ZFYVE26: variants seen among roughly 807,000 people sequenced by gnomAD.
The protein encoded by ZFYVE26 is zinc finger FYVE domain-containing protein 26.
ZFYVE26 carries 181 observed loss-of-function variants against 276.5 expected under a neutral mutation model. The observed-to-expected ratio is 0.65, with a 90% CI of 0.58 to 0.74. ZFYVE26 has a LOEUF of 0.74. Among genes scored for constraint, ZFYVE26 ranks in the 30% least tolerant of loss-of-function variants. The probability of loss-of-function intolerance (pLI) is 0.00; values close to 1 mark genes in which losing one functional copy is unlikely to be tolerated. For synonymous variants in ZFYVE26, 1,129 were observed against 1,203.1 expected (o/e 0.94, Z 1.27); for missense variants, 2,821 against 3,097.9 (o/e 0.91, Z 2.12).
rs2038341104 is a variant in ZFYVE26 at position 67,735,460 on chromosome 14, C to T, written n.2680-5641G>A. 3.9e-5 allele frequency: 23 copies of T among 586,360 alleles called. No homozygotes were observed. In the South Asian group the frequency reaches 4.6e-4, roughly 12 times the overall value. 36.3% of individuals were successfully genotyped at this position (586,360 alleles called of 1,614,324 possible). A position where few individuals can be genotyped will look rare whatever the true frequency, so the allele number is the denominator to read the frequency against. ...AGGCCTTGGCTCTGCACAAACAATGCCGGGGGATTGGTGGCCGAGACACCG... is the reference window on the plus strand; with the variant it reads ...AGGCCTTGGCTCTGCACAAACAATGTCGGGGGATTGGTGGCCGAGACACCG... On this transcript the variant is annotated intron_variant and non_coding_transcript_variant, in intron 13 of 14. Coordinates refer to the ZFYVE26 transcript ENST00000394455.
At chr14:67,790,865 G>A in intron 14 of ZFYVE26, 92 bp from the exon 15 acceptor site, 3 of 1,199,196 alleles carry the variant, frequency 2.5e-6, no homozygotes, top group Admixed American at 3.4e-5. Flanking sequence ...ATTAGACTGT[G>A]GCCCTAAGAT....
At chr14:67,744,870 A>G (rs1043416120), downstream of ZFYVE26, among the ~76,000 whole-genome samples, 1 of 152,230 alleles carries the variant, frequency 6.6e-6, no homozygotes, top group South Asian at 2.1e-4. Context: ...GCTGCAATAA[A>G]TATATGTGTG....
chr14:67,776,230 C>A, intron 25 of ZFYVE26, 124 bp from the exon 26 acceptor site: 1 of 1,356,342 alleles, frequency 7.4e-7, no homozygotes, highest in South Asian at 1.3e-5. Context: ...GCTACTGAAA[C>A]AGACTCGCAG....
intron 10 of ZFYVE26, chr14:67,798,897 C>T: frequency 1.1e-6 from 1 of 929,850 alleles, no homozygotes; most frequent in African/African-American, 1.6e-5. Context: ...CACCAGGCCC[C>T]GCCCCCGGGG....
chr14:67,782,178 T>C (rs1212216470), intron 21 of ZFYVE26, among the ~76,000 whole-genome samples: 1 of 152,234 alleles, frequency 6.6e-6, no homozygotes, highest in Non-Finnish European at 1.5e-5. Context: ...GCAACACTGC[T>C]AGGAAATCCT....
chr14:67,799,575 G>A, intron 10 of ZFYVE26: 1 of 1,506,774 alleles, frequency 6.6e-7, no homozygotes, highest in Non-Finnish European at 9.2e-7. Flanking sequence ...AAAGGAGGAG[G>A]GAAAAAATCT....
intron 16 of ZFYVE26, among the ~76,000 whole-genome samples, chr14:67,787,348 T>G (rs2039685247): frequency 6.6e-6 from 1 of 151,628 alleles, no homozygotes; most frequent in Admixed American, 6.6e-5. Flanking sequence ...AGAGTGAGAC[T>G]CTGTCTCAGA....
intron 32 of ZFYVE26, 32 bp from the exon 33 acceptor site, chr14:67,762,851 C>T (rs779628420): frequency 6.2e-7 from 1 of 1,612,398 alleles, no homozygotes; most frequent in South Asian, 1.1e-5. Flanking sequence ...GGCCATGAGG[C>T]TCCCTAGTGT....
chr14:67,795,481 G>A (rs1032421265), intron 12 of ZFYVE26, among the ~76,000 whole-genome samples: 1 of 152,134 alleles, frequency 6.6e-6, no homozygotes, highest in African/African-American at 2.4e-5. Flanking sequence ...CTGTTTTCAG[G>A]CAGGGTCGCA....
At chr14:67,788,243 GC>G (rs1222324091) in intron 16 of ZFYVE26, among the ~76,000 whole-genome samples, 1 of 152,134 alleles carries the variant, frequency 6.6e-6, no homozygotes, top group African/African-American at 2.4e-5. Context: ...ACAAAAATTA[GC>G]CGGGCGTGGT....
At chr14:67,771,689 T>C (rs949657544) in intron 28 of ZFYVE26, among the ~76,000 whole-genome samples, 1 of 152,100 alleles carries the variant, frequency 6.6e-6, no homozygotes, top group Admixed American at 6.5e-5. Context: ...ACCCAGGCCC[T>C]CTGTCTCCTG....
rs753792077 is a variant in ZFYVE26, at chr14:67,766,249, G to T, written c.5989C>A (p.Gln1997Lys). Residue 1997 changes from glutamine (Q) to lysine (K), a missense_variant, in exon 32 of 42, where the codon CAA becomes AAA. Coordinates refer to ENST00000347230, the MANE Select transcript of ZFYVE26 (RefSeq NM_015346.4). ...KMMFVKAGQS[Q>K]DLALCDSYIS... ...TACCTGTCACAAAGAGCCAAGTCTT[G>T]GCTCTGGCCGGCTTTGACGAACATC... 5 of 1,614,100 alleles carry T rather than the reference G, an allele frequency of 3.1e-6. No homozygotes were observed. In the East Asian group the frequency reaches 1.1e-4, roughly 36 times the overall value.
At chr14:67,737,715 G>A (rs554854379) in intron 13 of ZFYVE26, among the ~76,000 whole-genome samples, 39 of 152,116 alleles carry the variant, frequency 2.6e-4, no homozygotes, top group Admixed American at 5.2e-4. Flanking sequence ...ACACAAAAGA[G>A]TAGTACCCAT....
chr14:67,757,737 C>T (rs2038825022), intron 35 of ZFYVE26, among the ~76,000 whole-genome samples: 1 of 150,608 alleles, frequency 6.6e-6, no homozygotes, highest in Non-Finnish European at 1.5e-5. Flanking sequence ...TTTTTTAAGA[C>T]AGAATCTCAC....
intron 40 of ZFYVE26, 139 bp from the exon 41 acceptor site, chr14:67,751,235 G>T: frequency 1.1e-6 from 1 of 877,200 alleles, no homozygotes; most frequent in Non-Finnish European, 1.9e-6. Flanking sequence ...CAAAGACATG[G>T]GGTCTCACTA....
rs1356247718 is a variant in ZFYVE26, at chr14:67,775,049, G to A, written c.5287C>T (p.Pro1763Ser). 1 of 1,612,800 alleles carries A rather than the reference G, an allele frequency of 6.2e-7. No individual in the cohort carries two copies. Among genetic ancestry groups the A allele is most frequent in the African/African-American group, 1.3e-5 (1 of 75,028 alleles). The change falls in exon 27 of 42, where the codon CCA becomes TCA. Residue 1763 changes from proline (P) to serine (S), a missense_variant. Coordinates refer to ENST00000347230, the MANE Select transcript of ZFYVE26 (RefSeq NM_015346.4). ...GCAGCAGGAGAGAACTCTGCTGATG[G>A]TGATCTAGGGAGGGTCTCGGGATCT... ...AADPETLPRS[P>S]SAEFSPAAPP...
At chr14:67,755,846 G>T in intron 36 of ZFYVE26, 102 bp downstream of exon 36, 1 of 1,417,694 alleles carries the variant, frequency 7.1e-7, no homozygotes, top group Non-Finnish European at 1.0e-6. Flanking sequence ...AAACAGCAAG[G>T]CCAGGGACCA....
chr14:67,786,421 G>GACTCTGGCAAGATGCCTCAGCTGTCA (rs2039661149), intron 16 of ZFYVE26, among the ~76,000 whole-genome samples, 188 bp from the exon 17 acceptor site: 2 of 152,326 alleles, frequency 1.3e-5, no homozygotes, highest in South Asian at 4.1e-4. Context: ...TTCTAGGACT[G>GACTCTGGCAAGATGCCTCAGCTGTCA]ACTCTGGCAA....
chr14:67,783,006 C>G lies in ZFYVE26; in HGVS notation c.4146G>C (p.Gln1382His). 6.2e-7 allele frequency: 1 copy of G among 1,614,202 alleles called. No homozygotes were observed. The highest frequency in any genetic ancestry group is 8.5e-7 in the Non-Finnish European group (1 of 1,180,032). ...GATTCACTGCCAGACTCTGCCCCTG[C>G]TGCAAAGACCCTCGCAGGGGCTCCC... Reference protein sequence around the residue: ...AAWEPLRGSLQQGQSLAVNLC... With the variant: ...AAWEPLRGSLHQGQSLAVNLC... Residue 1382 changes from glutamine (Q) to histidine (H), a missense_variant, in exon 21 of 42, where the codon CAG (glutamine) becomes CAC (histidine). Physicochemically the swap from Gln to His is conservative, Grantham distance 24. Transcript: ENST00000347230.
Sources: allele counts gnomAD v4.1 joint callset (sites outside exome capture counted in the v4.1 genomes callset), GRCh38; gene constraint gnomAD v4.1.1; transcripts MANE v1.5; gene names NCBI Gene and HGNC (gene_info 2026-07-23, HGNC 2026-07-21).